Variants in EMILIN2 observed in about 807,000 individuals in gnomAD.
EMILIN2 encodes the protein EMILIN-2.
A neutral mutation model predicts 87.1 loss-of-function variants in EMILIN2; 71 were observed. The observed-to-expected ratio is 0.82, with a 90% CI of 0.67 to 0.99. The LOEUF is 0.99. EMILIN2 is among the 50% of genes least tolerant of loss of function. EMILIN2 has a pLI of 0.00. For synonymous variants in EMILIN2, 581 were observed against 563.4 expected (o/e 1.03, Z -0.44); for missense variants, 1,407 against 1,371.8 (o/e 1.03, Z -0.40).
At position 2,913,497 on chromosome 18, in the gene EMILIN2, T is replaced by G; in HGVS notation, c.*93T>G. Reference sequence around the variant, plus strand: ...TTTGTATGTAATGGAAGCACGGGGCTAGAGTTTCCACATAGGCCCCAACAT... The same window carrying G: ...TTTGTATGTAATGGAAGCACGGGGCGAGAGTTTCCACATAGGCCCCAACAT... On this transcript the variant is annotated 3_prime_UTR_variant, in exon 8 of 8. Coordinates refer to ENST00000254528, the MANE Select transcript of EMILIN2 (RefSeq NM_032048.3). 1 of 1,048,206 alleles carries G rather than the reference T, an allele frequency of 9.5e-7. No individual in the cohort carries two copies. Among genetic ancestry groups the G allele is most frequent in the Non-Finnish European group, 1.4e-6 (1 of 736,492 alleles). 64.9% of individuals were successfully genotyped at this position (1,048,206 alleles called of 1,614,324 possible).
chr18:2,868,052 G>C (rs1171637558), intron 2 of EMILIN2, among the ~76,000 whole-genome samples: 1 of 152,160 alleles, frequency 6.6e-6, no homozygotes, highest in Non-Finnish European at 1.5e-5. Context: ...AGACGGGGTG[G>C]CTGCTGGACG....
Position 2,907,045 on chromosome 18 carries a change from C to G in EMILIN2, c.2622C>G (p.Ser874Arg), listed in dbSNP as rs1032378566. ...GGGGCGTGGACGGCCAGACCGGGAG[C>G]GGCACCGTCCCCGGCGCAGAAGGCT... ...LPRGVDGQTG[S>R]GTVPGAEGFA... The change falls in exon 5 of 8, where the codon AGC (serine) becomes AGG (arginine). Residue 874 changes from serine to arginine, a missense_variant. Coordinates refer to ENST00000254528, the MANE Select transcript of EMILIN2 (RefSeq NM_032048.3). 7.8e-7 allele frequency: 1 copy of G among 1,277,518 alleles called. No homozygotes were observed. The highest frequency in any genetic ancestry group is 1.6e-5 in the African/African-American group (1 of 64,506). 79.1% of individuals were successfully genotyped at this position (1,277,518 alleles called of 1,614,324 possible).
rs866692504 is a variant in EMILIN2, at chr18:2,906,796, C to T, written c.2373C>T (p.Pro791=). The T allele has an allele frequency of 2.3e-6, 3 of 1,292,356 alleles. No individual in the cohort carries two copies. In the African/African-American group the frequency reaches 4.6e-5, roughly 20 times the overall value. The allele number at this position is 1,292,356 out of a possible 1,614,324, so 80.1% of individuals were successfully genotyped here. A position where few individuals can be genotyped will look rare whatever the true frequency, so the allele number is the denominator to read the frequency against. The change falls in exon 5 of 8, where the codon CCC becomes CCT. Residue 791 remains proline, a synonymous_variant. Coordinates refer to ENST00000254528, the MANE Select transcript of EMILIN2 (RefSeq NM_032048.3). ...KFQPSAKAPS[P]PPPAEAPKEP... Reference sequence around the variant, plus strand: ...GACGCCCGGCAGAGGCGCCCTCGCCCCCGCCGCCCGCAGAGGCCCCGAAGG... The same window carrying T: ...GACGCCCGGCAGAGGCGCCCTCGCCTCCGCCGCCCGCAGAGGCCCCGAAGG...
At chr18:2,858,055 G>A (rs1191540418) in intron 2 of EMILIN2, among the ~76,000 whole-genome samples, 3 of 151,792 alleles carry the variant, frequency 2.0e-5, no homozygotes, top group Non-Finnish European at 4.4e-5. Flanking sequence ...TGTATCTCGT[G>A]TCTGGAACCA....
chr18:2,862,878 A>G (rs533422853), intron 2 of EMILIN2, among the ~76,000 whole-genome samples: 1 of 152,286 alleles, frequency 6.6e-6, no homozygotes, highest in South Asian at 2.1e-4. Context: ...GAAATCTATT[A>G]ATTATTGCCT....
intron 2 of EMILIN2, among the ~76,000 whole-genome samples, chr18:2,864,769 A>G (rs1019279451): frequency 4.7e-5 from 7 of 150,056 alleles, no homozygotes; most frequent in Non-Finnish European, 5.9e-5. Context: ...GGCCTGCCTT[A>G]CTAGATTGGG....
chr18:2,913,015 C>T, intron 7 of EMILIN2, 52 bp from the exon 8 acceptor site: 1 of 1,584,230 alleles, frequency 6.3e-7, no homozygotes, highest in Admixed American at 1.7e-5. Flanking sequence ...ACTACCATGG[C>T]AAGGGCTGTG....
intron 2 of EMILIN2, among the ~76,000 whole-genome samples, chr18:2,873,577 G>T (rs1052280790): frequency 6.6e-6 from 1 of 150,704 alleles, no homozygotes; most frequent in African/African-American, 2.5e-5. Flanking sequence ...CGTGGTGGCG[G>T]GCGCCTGTAG....
chr18:2,906,690 C>T (rs896348180), intron 4 of EMILIN2, 93 bp from the exon 5 acceptor site: 59 of 1,042,480 alleles, frequency 5.7e-5, no homozygotes, highest in Admixed American at 4.0e-4. Flanking sequence ...ACGGGGACCC[C>T]GCTCGCCGGG....
At chr18:2,867,891 C>T (rs1445425173) in intron 2 of EMILIN2, among the ~76,000 whole-genome samples, 34 of 152,124 alleles carry the variant, frequency 2.2e-4, no homozygotes, top group African/African-American at 1.7e-4. Context: ...GGGTGGTGGC[C>T]GGGCAGAGGG....
In EMILIN2 at chr18:2,890,789, G is replaced by A. The variant is rs1487089707; in HGVS notation, c.662G>A (p.Ser221Asn). The part of the protein sequence containing the change: ...NLKHATQDDA[S>N]RTRAPGLSSQ... ...AAACATGCCACTCAGGATGATGCCA[G>A]TAGAACACGGGCACCAGGGCTCAGC... The change falls in exon 4 of 8, where the codon AGT becomes AAT. Residue 221 changes from serine to asparagine, a missense_variant. Coordinates refer to ENST00000254528, the MANE Select transcript of EMILIN2 (RefSeq NM_032048.3). The surrounding 1 kb of genome is among the most constrained non-coding windows in gnomAD (Gnocchi z 4.7). The A allele has an allele frequency of 4.3e-6, 7 of 1,613,536 alleles. No individual in the cohort carries two copies. In the South Asian group the frequency reaches 7.7e-5, roughly 18 times the overall value.
At chr18:2,861,087 G>A (rs1426515575) in intron 2 of EMILIN2, among the ~76,000 whole-genome samples, 3 of 151,642 alleles carry the variant, frequency 2.0e-5, no homozygotes, top group Non-Finnish European at 1.5e-5. Flanking sequence ...GGGGTTTTTT[G>A]TTTTTTTTCT....
chr18:2,864,555 CTCT>C (rs2076676992), intron 2 of EMILIN2, among the ~76,000 whole-genome samples: 1 of 152,162 alleles, frequency 6.6e-6, no homozygotes, highest in Admixed American at 6.6e-5. Flanking sequence ...GGCCCCCACT[CTCT>C]TCTTGTAGAG....
At position 2,912,938 on chromosome 18, in the gene EMILIN2, C is replaced by G. The variant is rs536980619; in HGVS notation, c.2825-129C>G. On this transcript the variant is annotated intron_variant, in intron 7 of 7. Transcript: ENST00000254528. ...CATAAAAAGCAGCTGAGGCAGGCAG[C>G]CAGCTACCATGGGAAGACAGAGATG... 355 of 967,066 alleles carry G rather than the reference C, an allele frequency of 3.7e-4. No individual in the cohort carries two copies. In the African/African-American group the frequency reaches 5.5e-3, roughly 15 times the overall value. 59.9% of individuals were successfully genotyped at this position (967,066 alleles called of 1,614,324 possible).
chr18:2,848,506 G>A lies in EMILIN2; in HGVS notation c.257+575G>A, dbSNP rs116510673. Reference sequence around the variant, plus strand: ...TCCCTCCCCGCAACTTAGATTTGGAGATTCTCTAGAGATTGTGGGAGAGAA... The same window carrying A: ...TCCCTCCCCGCAACTTAGATTTGGAAATTCTCTAGAGATTGTGGGAGAGAA... On this transcript the variant is annotated intron_variant, in intron 2 of 7. Transcript: ENST00000254528. The surrounding 1 kb of genome is among the most constrained non-coding windows in gnomAD (Gnocchi z 4.1). Among the ~76,000 whole-genome samples the A allele has an allele frequency of 5.9e-4, 90 of 151,768 alleles. No homozygotes were observed. Among genetic ancestry groups the A allele is most frequent in the Middle Eastern group, 3.4e-3 (1 of 294 alleles).
chr18:2,846,780 C>A (rs2076576000), upstream of EMILIN2: 1 of 985,220 alleles, frequency 1.0e-6, no homozygotes, highest in Non-Finnish European at 1.2e-6. The surrounding 1 kb of genome is among the most constrained non-coding windows in gnomAD (Gnocchi z 5.3). Flanking sequence ...TGGGAAGAGA[C>A]CAAAGGAATG....
Position 2,873,132 on chromosome 18 carries a change from C to T in EMILIN2, c.258-11832C>T, listed in dbSNP as rs563096109. ...ATATTTAACACTTACAGGCCGGGGCCGGGCATGGTGGCTCATGCCTATAAT... is the reference window on the plus strand; with the variant it reads ...ATATTTAACACTTACAGGCCGGGGCTGGGCATGGTGGCTCATGCCTATAAT... On this transcript the variant is annotated intron_variant, in intron 2 of 7. Transcript: ENST00000254528. Among the ~76,000 whole-genome samples the T allele has an allele frequency of 7.9e-5, 12 of 151,990 alleles. 1 individual carries two copies. In the South Asian group the frequency reaches 1.4e-3, roughly 18 times the overall value.
intron 4 of EMILIN2, among the ~76,000 whole-genome samples, chr18:2,901,581 T>C (rs1036935946): frequency 6.6e-6 from 1 of 152,106 alleles, no homozygotes; most frequent in African/African-American, 2.4e-5. Context: ...CCGTGCGGAG[T>C]GTCAGGCAGG....
rs761307600 is a variant in EMILIN2 at position 2,891,625 on chromosome 18, C to A, written c.1498C>A (p.Arg500Ser). Residue 500 changes from arginine to serine, a missense_variant, in exon 4 of 8, where the codon CGT (arginine) becomes AGT (serine). By Grantham distance (110) the Arg-to-Ser change is moderately radical. Transcript: ENST00000254528. This position sits in a 1 kb window ranked among gnomAD's most constrained non-coding sequence, Gnocchi z 4.6. ...VDQKIQSLED[R>S]LGSVLLQMTN... is the part of the protein sequence containing the mutation. ...TCAGAAAATACAGTCTCTGGAAGACCGTCTGGGGAGCGTTCTCCTACAGAT... is the reference window on the plus strand; with the variant it reads ...TCAGAAAATACAGTCTCTGGAAGACAGTCTGGGGAGCGTTCTCCTACAGAT... The A allele has an allele frequency of 1.4e-4, 229 of 1,613,878 alleles. No homozygotes were observed. Among genetic ancestry groups the A allele is most frequent in the Non-Finnish European group, 1.9e-4 (220 of 1,180,038 alleles).
Sources: allele counts gnomAD v4.1 joint callset (sites outside exome capture counted in the v4.1 genomes callset), GRCh38; gene constraint gnomAD v4.1.1; non-coding constraint Gnocchi (gnomAD v3.1); transcripts MANE v1.5; gene names NCBI Gene and HGNC (gene_info 2026-07-23, HGNC 2026-07-21).